Variants in CDK15 observed in about 807,000 individuals in gnomAD.
The protein encoded by CDK15 is cyclin-dependent kinase 15.
In CDK15, 62 loss-of-function variants were observed where a neutral mutation model predicts 60.3. The observed-to-expected ratio is 1.03, with a 90% CI of 0.84 to 1.27. The LOEUF (loss-of-function observed/expected upper bound fraction) is 1.27. CDK15 is among the 50% of genes most tolerant of loss of function. CDK15 has a pLI of 0.00. For synonymous variants in CDK15, 194 were observed against 195.7 expected (o/e 0.99, Z 0.07); for missense variants, 541 against 527.8 (o/e 1.03, Z -0.25).
chr2:201,833,867 T>G lies in CDK15; in HGVS notation c.626T>G (p.Leu209Trp). ...HNVRLFMFQL[L>W]RGLAYIHHQH... Reference sequence around the variant, plus strand: ...TTCCAGCTTTTCATGTTTCAACTTTTGCGGGGCCTGGCGTACATCCACCAC... The same window carrying G: ...TTCCAGCTTTTCATGTTTCAACTTTGGCGGGGCCTGGCGTACATCCACCAC... The change falls in exon 7 of 14, where the codon TTG becomes TGG. Residue 209 changes from leucine (L) to tryptophan (W), a missense_variant. Transcript: ENST00000652192. 6.2e-7 allele frequency: 1 copy of G among 1,613,970 alleles called. No individual in the cohort carries two copies.
intron 8 of CDK15, among the ~76,000 whole-genome samples, chr2:201,846,240 C>T (rs552659077): frequency 2.0e-5 from 3 of 152,068 alleles, no homozygotes; most frequent in South Asian, 4.1e-4. Flanking sequence ...CACCTGTGAT[C>T]CCAGCACTTT....
At chr2:201,885,782 G>A (rs1699431358) in intron 12 of CDK15, among the ~76,000 whole-genome samples, 2 of 152,160 alleles carry the variant, frequency 1.3e-5, no homozygotes, top group South Asian at 4.1e-4. Context: ...ATATAGCTGA[G>A]TCACTGATGC....
At chr2:201,884,672 T>C (rs952807614) in intron 12 of CDK15, among the ~76,000 whole-genome samples, 1 of 152,222 alleles carries the variant, frequency 6.6e-6, no homozygotes, top group African/African-American at 2.4e-5. Context: ...TTCTCCCACT[T>C]TTTAGTCATT....
intron 10 of CDK15, among the ~76,000 whole-genome samples, chr2:201,866,805 G>A (rs369490279): frequency 2.0e-5 from 3 of 152,198 alleles, no homozygotes; most frequent in East Asian, 3.9e-4. Flanking sequence ...AGAGAGGCAA[G>A]GTCATTCAGC....
At chr2:201,888,659 A>G in intron 12 of CDK15, 1 of 1,354,372 alleles carries the variant, frequency 7.4e-7, no homozygotes, top group Non-Finnish European at 9.4e-7. Flanking sequence ...TCCACAGCCA[A>G]ATTGGAATCC....
chr2:201,860,880 A>C (rs904820568), intron 10 of CDK15: 6 of 1,351,138 alleles, frequency 4.4e-6, no homozygotes, highest in Non-Finnish European at 5.9e-6. Flanking sequence ...CCACTATGAG[A>C]CAGAAGATGA....
chr2:201,855,249 C>G (rs1241548390), intron 10 of CDK15, among the ~76,000 whole-genome samples: 1 of 152,176 alleles, frequency 6.6e-6, no homozygotes, highest in East Asian at 1.9e-4. Context: ...AAAAGATGGG[C>G]TCACTTTTGG....
At chr2:201,872,469 G>A in intron 11 of CDK15, 143 bp downstream of exon 11, 1 of 792,818 alleles carries the variant, frequency 1.3e-6, no homozygotes, top group Non-Finnish European at 2.1e-6. Context: ...GCCTCTGGAA[G>A]CGCCAGACCC....
intron 4 of CDK15, among the ~76,000 whole-genome samples, chr2:201,813,999 A>G (rs1406138234): frequency 6.6e-6 from 1 of 152,250 alleles, no homozygotes; most frequent in Non-Finnish European, 1.5e-5. Context: ...AAAGAGATGT[A>G]TGGATAGGTT....
Position 201,820,297 on chromosome 2 carries a change from ACT to A in CDK15, c.449-2509_449-2508del, listed in dbSNP as rs898260440. On this transcript the variant is annotated intron_variant, in intron 4 of 13. Transcript: ENST00000652192. Reference sequence around the variant, plus strand: ...TCAGAAAATATGGAAGGTATTCAAAACTCTAGCAGAAACATACCATAAACAAG... The same window carrying A: ...TCAGAAAATATGGAAGGTATTCAAAACTAGCAGAAACATACCATAAACAAG... Among the ~76,000 whole-genome samples, 76 of 152,278 alleles carry A rather than the reference ACT, an allele frequency of 5.0e-4. 1 individual carries two copies. Among genetic ancestry groups the A allele is most frequent in the African/African-American group, 1.8e-3 (75 of 41,552 alleles).
chr2:201,866,235 G>T (rs1040462572), intron 10 of CDK15, among the ~76,000 whole-genome samples: 2 of 152,070 alleles, frequency 1.3e-5, no homozygotes, highest in African/African-American at 4.8e-5. Context: ...AGCACTATAA[G>T]ATAACCTTAG....
chr2:201,813,648 G>A (rs913221643), intron 4 of CDK15, among the ~76,000 whole-genome samples: 1 of 152,232 alleles, frequency 6.6e-6, no homozygotes, highest in African/African-American at 2.4e-5. Context: ...CATAAACTAA[G>A]ATGAGAGCAA....
intron 8 of CDK15, among the ~76,000 whole-genome samples, chr2:201,837,800 AT>A (rs960926537): frequency 6.6e-6 from 1 of 152,184 alleles, no homozygotes; most frequent in African/African-American, 2.4e-5. Context: ...ACAAAGCCCC[AT>A]TTTCAAAAAT....
intron 12 of CDK15, chr2:201,889,166 A>G (rs1193376665): frequency 7.1e-6 from 7 of 985,316 alleles, no homozygotes; most frequent in Non-Finnish European, 7.2e-6. Flanking sequence ...GGGTGTGAGC[A>G]GCTTCCAGCA....
intron 8 of CDK15, among the ~76,000 whole-genome samples, chr2:201,840,266 C>T (rs576758364): frequency 2.0e-5 from 3 of 152,254 alleles, no homozygotes; most frequent in South Asian, 2.1e-4. Flanking sequence ...TGAGCCACCG[C>T]GCCTGGCCAA....
intron 6 of CDK15, chr2:201,824,777 T>C (rs1359833160): frequency 8.4e-6 from 6 of 715,536 alleles, no homozygotes; most frequent in Non-Finnish European, 1.2e-5. Flanking sequence ...CGCCTAATGA[T>C]GTCTAAAGAA....
intron 8 of CDK15, among the ~76,000 whole-genome samples, chr2:201,843,302 T>G (rs1697485116): frequency 6.6e-6 from 1 of 152,122 alleles, no homozygotes; most frequent in South Asian, 2.1e-4. Flanking sequence ...TTCTCCTGCC[T>G]CAACCTCCTG....
intron 4 of CDK15, among the ~76,000 whole-genome samples, chr2:201,818,354 A>G (rs1696079194): frequency 1.3e-5 from 2 of 152,266 alleles, no homozygotes; most frequent in Admixed American, 6.5e-5. Flanking sequence ...GAAAAACAAA[A>G]ATAAGTATAC....
chr2:201,886,306 C>A (rs901527008), intron 12 of CDK15, among the ~76,000 whole-genome samples: 1 of 151,782 alleles, frequency 6.6e-6, no homozygotes, highest in Non-Finnish European at 1.5e-5. Context: ...ATAATATATG[C>A]AATCAGCCTT....
Sources: gnomAD v4.1 joint callset for allele counts (sites outside exome capture counted in the v4.1 genomes callset) on GRCh38, gnomAD v4.1.1 for gene constraint, MANE v1.5 for transcripts, NCBI Gene and HGNC (gene_info 2026-07-23, HGNC 2026-07-21) for gene names.